The following ARHGAP35 variants were observed in gnomAD, a reference collection of about 807,000 sequenced individuals.
ARHGAP35 encodes the protein rho GTPase-activating protein 35.
In ARHGAP35, 15 loss-of-function variants were observed where a neutral mutation model predicts 111.1. That is an observed-to-expected ratio of 0.13 (90% CI 0.09 to 0.21). The LOEUF is 0.21. ARHGAP35 is among the 10% of genes least tolerant of loss of function. ARHGAP35 has a pLI of 1.00. For synonymous variants in ARHGAP35, 643 were observed against 710.3 expected, an observed-to-expected ratio of 0.91 and a Z score of 1.51; for missense variants, 1,262 against 1,873.0, an observed-to-expected ratio of 0.67 and a Z score of 6.02.
At chr19:46,979,295 C>T (rs1484259046) in intron 3 of ARHGAP35, among the ~76,000 whole-genome samples, 1 of 152,108 alleles carries the variant, frequency 6.6e-6, no homozygotes, top group Non-Finnish European at 1.5e-5. Context: ...AGCATGAAGA[C>T]GTCTCACGTT....
At chr19:46,898,240 C>CAA (rs745892205) in intron 1 of ARHGAP35, among the ~76,000 whole-genome samples, 56 of 66,394 alleles carry the variant, frequency 8.4e-4, no homozygotes, top group Non-Finnish European at 1.6e-3. Context: ...GACTCCGTCT[C>CAA]AAAAAAAAAA....
At chr19:46,884,585 C>T (rs189397680) in intron 1 of ARHGAP35, among the ~76,000 whole-genome samples, 168 of 149,792 alleles carry the variant, frequency 1.1e-3, no homozygotes, top group East Asian at 8.3e-3. Context: ...ACTGCAGCCT[C>T]GACTTCCTGG....
chr19:46,878,249 C>T (rs528378469), intron 1 of ARHGAP35, among the ~76,000 whole-genome samples: 1 of 152,114 alleles, frequency 6.6e-6, no homozygotes, highest in African/African-American at 2.4e-5. Flanking sequence ...TCTCAAACTC[C>T]TGACCTCAAG....
intron 2 of ARHGAP35, among the ~76,000 whole-genome samples, chr19:46,928,857 G>A (rs1044620222): frequency 1.5e-4 from 23 of 152,004 alleles, no homozygotes; most frequent in African/African-American, 4.6e-4. Flanking sequence ...TCTTGAACCC[G>A]GGAGGCAGAT....
chr19:46,967,341 G>C (rs1215949818), intron 3 of ARHGAP35, among the ~76,000 whole-genome samples: 1 of 152,158 alleles, frequency 6.6e-6, no homozygotes, highest in Non-Finnish European at 1.5e-5. Flanking sequence ...GCTGACCTGA[G>C]TCAACAGCAT....
intron 1 of ARHGAP35, among the ~76,000 whole-genome samples, chr19:46,865,584 C>T (rs2055851274): frequency 6.6e-6 from 1 of 152,112 alleles, no homozygotes; most frequent in Non-Finnish European, 1.5e-5. Context: ...GTGGGGGTTG[C>T]ACAGGTGACA....
chr19:46,878,536 CTCA>C (rs1252762672), intron 1 of ARHGAP35, among the ~76,000 whole-genome samples: 1 of 152,172 alleles, frequency 6.6e-6, no homozygotes, highest in East Asian at 1.9e-4. Flanking sequence ...CCAGGGTGGT[CTCA>C]AACTCTTAGC....
At chr19:46,946,334 G>C (rs1362838529) in intron 3 of ARHGAP35, among the ~76,000 whole-genome samples, 1 of 152,198 alleles carries the variant, frequency 6.6e-6, no homozygotes, top group Non-Finnish European at 1.5e-5. Context: ...CTCTGTCACT[G>C]TGGGGAGGAC....
At chr19:46,935,808 C>T (rs2056304221) in intron 2 of ARHGAP35, among the ~76,000 whole-genome samples, 1 of 152,060 alleles carries the variant, frequency 6.6e-6, no homozygotes, top group South Asian at 2.1e-4. Flanking sequence ...ATTTCTTTGG[C>T]TTTAGGAAAT....
At chr19:46,906,533 G>A (rs1470038915) in intron 1 of ARHGAP35, among the ~76,000 whole-genome samples, 1 of 152,154 alleles carries the variant, frequency 6.6e-6, no homozygotes, top group African/African-American at 2.4e-5. Context: ...GTATAGAAAA[G>A]TGTATAAAGT....
chr19:46,942,944 A>G (rs1433474481), intron 3 of ARHGAP35, among the ~76,000 whole-genome samples: 1 of 151,992 alleles, frequency 6.6e-6, no homozygotes, highest in African/African-American at 2.4e-5. Context: ...AGCTTTTTGT[A>G]CTAGGATTCA....
At chr19:46,961,244 C>T (rs1034672813) in intron 3 of ARHGAP35, among the ~76,000 whole-genome samples, 4 of 152,182 alleles carry the variant, frequency 2.6e-5, no homozygotes, top group Admixed American at 6.5e-5. Context: ...GACATCATCT[C>T]AGTCTTTTGT....
intron 2 of ARHGAP35, among the ~76,000 whole-genome samples, chr19:46,930,884 C>T (rs981721704): frequency 6.6e-5 from 10 of 151,838 alleles, no homozygotes; most frequent in Non-Finnish European, 1.3e-4. Flanking sequence ...AGTATTAGCT[C>T]TGCTGCCAGT....
chr19:46,996,647 G>T (rs1223124978), intron 5 of ARHGAP35, among the ~76,000 whole-genome samples: 1 of 152,174 alleles, frequency 6.6e-6, no homozygotes, highest in African/African-American at 2.4e-5. Flanking sequence ...TGTTTGGGTC[G>T]TGCAGGCACC....
At chr19:46,889,769 AAAG>A (rs2056015189) in intron 1 of ARHGAP35, among the ~76,000 whole-genome samples, 1 of 151,694 alleles carries the variant, frequency 6.6e-6, no homozygotes, top group Admixed American at 6.6e-5. Context: ...AAAAAAAAAA[AAAG>A]AGTAGAGGCC....
At chr19:46,972,242 C>G (rs914311309) in intron 3 of ARHGAP35, among the ~76,000 whole-genome samples, 6 of 152,110 alleles carry the variant, frequency 3.9e-5, no homozygotes, top group Non-Finnish European at 5.9e-5. Context: ...AAATCCTGAC[C>G]TCAGGTGATC....
At chr19:46,997,581 C>T (rs898945901) in intron 5 of ARHGAP35, 2 of 152,214 alleles carry the variant, frequency 1.3e-5, no homozygotes, top group Non-Finnish European at 2.9e-5. Flanking sequence ...CCCAAGGTGA[C>T]ACGGTTGACG....
intron 1 of ARHGAP35, among the ~76,000 whole-genome samples, chr19:46,873,457 AC>A (rs1210699044): frequency 2.6e-5 from 4 of 151,300 alleles, no homozygotes; most frequent in Non-Finnish European, 5.9e-5. Flanking sequence ...CATTGGTGAA[AC>A]CCCATCTCTA....
At chr19:46,932,604 C>T (rs2056279401) in intron 2 of ARHGAP35, among the ~76,000 whole-genome samples, 2 of 152,148 alleles carry the variant, frequency 1.3e-5, no homozygotes, top group Non-Finnish European at 2.9e-5. Context: ...GCAGTCTGGC[C>T]CAGCTCTTGG....
Sources: allele counts gnomAD v4.1 joint callset (sites outside exome capture counted in the v4.1 genomes callset), GRCh38; gene constraint gnomAD v4.1.1; transcripts MANE v1.5; gene names NCBI Gene and HGNC (gene_info 2026-07-23, HGNC 2026-07-21).